Variants in ARHGAP42 observed in about 807,000 individuals in gnomAD.
ARHGAP42 encodes Rho GTPase activating protein 42.
A neutral mutation model predicts 125.0 loss-of-function variants in ARHGAP42; 63 were observed. That is an observed-to-expected ratio of 0.50 (90% confidence interval 0.41 to 0.62). The LOEUF is 0.62. ARHGAP42 is among the 20% of genes least tolerant of loss of function. The pLI is 0.00. For synonymous variants in ARHGAP42, 339 were observed against 351.0 expected, an observed-to-expected ratio of 0.97 and a Z score of 0.38; for missense variants, 766 against 1,024.2, an observed-to-expected ratio of 0.75 and a Z score of 3.44.
chr11:100,924,347 C>G (rs778197043), intron 6 of ARHGAP42, among the ~76,000 whole-genome samples: 1 of 152,060 alleles, frequency 6.6e-6, no homozygotes, highest in Non-Finnish European at 1.5e-5. Context: ...CATAAAACTT[C>G]TATACAGTAT....
intron 20 of ARHGAP42, 69 bp downstream of exon 20, chr11:100,976,506 G>T: frequency 9.7e-6 from 14 of 1,444,150 alleles, no homozygotes; most frequent in Non-Finnish European, 1.2e-5. Flanking sequence ...TATTCAGCAT[G>T]GTTAAGCAGG....
intron 12 of ARHGAP42, among the ~76,000 whole-genome samples, chr11:100,954,744 G>C (rs1227003224): frequency 6.6e-6 from 1 of 152,062 alleles, no homozygotes; most frequent in Non-Finnish European, 1.5e-5. Context: ...GCTCTTCATG[G>C]GCAGAGCAGA....
rs1361043436 is a variant in ARHGAP42, at chr11:100,966,725, A to G, written c.1550+949A>G. Among the ~76,000 whole-genome samples, 7 of 152,284 alleles carry G rather than the reference A, an allele frequency of 4.6e-5. No individual in the cohort carries two copies. The East Asian group carries it at 9.7e-4, about 21-fold the overall frequency. On this transcript the variant is annotated intron_variant, in intron 17 of 23. Transcript: ENST00000298815. Reference sequence around the variant, plus strand: ...ATTAATCATTATAAATATTATATCTATCTACTATCTATCTTTCTATAATTT... The same window carrying G: ...ATTAATCATTATAAATATTATATCTGTCTACTATCTATCTTTCTATAATTT...
chr11:100,849,224 A>C (rs563422653), intron 3 of ARHGAP42, among the ~76,000 whole-genome samples: 271 of 124,424 alleles, frequency 2.2e-3, no homozygotes, highest in African/African-American at 9.8e-3. Context: ...TTGACATATC[A>C]CTCATTCTTC....
intron 7 of ARHGAP42, among the ~76,000 whole-genome samples, chr11:100,935,810 A>T (rs1258945908): frequency 6.6e-6 from 1 of 152,158 alleles, no homozygotes; most frequent in Non-Finnish European, 1.5e-5. Context: ...CTGCCAGAAG[A>T]ATCAAGGTCA....
rs925867385 is a variant in ARHGAP42 at position 100,698,612 on chromosome 11, C to T, written c.154+10780C>T. Among the ~76,000 whole-genome samples, 11 of 152,092 alleles carry T rather than the reference C, an allele frequency of 7.2e-5. 1 individual carries two copies. Among genetic ancestry groups the T allele is most frequent in the Middle Eastern group, 3.4e-3 (1 of 294 alleles). On this transcript the variant is annotated intron_variant, in intron 1 of 23. Coordinates refer to ENST00000298815, the MANE Select transcript of ARHGAP42 (RefSeq NM_152432.4). ...GGGAGAATCACTTGAACCTGGGAGG[C>T]GGAAGTTGCGGTGAGCCCAGATCGT...
At chr11:100,911,627 G>A (rs969893221) in intron 4 of ARHGAP42, among the ~76,000 whole-genome samples, 1 of 152,044 alleles carries the variant, frequency 6.6e-6, no homozygotes, top group African/African-American at 2.4e-5. Flanking sequence ...GGTAAGTTGT[G>A]GACATAAAGT....
chr11:100,733,930 G>GT (rs774845588), intron 1 of ARHGAP42, among the ~76,000 whole-genome samples: 1,373 of 113,340 alleles, frequency 0.012, 33 homozygotes, highest in African/African-American at 0.033. Flanking sequence ...AAGCAAAGTT[G>GT]TTTTTTTTTT....
chr11:100,846,835 T>A (rs141536234), intron 3 of ARHGAP42, among the ~76,000 whole-genome samples: 2 of 151,988 alleles, frequency 1.3e-5, no homozygotes, highest in East Asian at 3.9e-4. Context: ...GAGTAAGAGG[T>A]GTTCAGATAG....
chr11:100,809,801 A>G (rs1864092701), intron 3 of ARHGAP42, among the ~76,000 whole-genome samples: 1 of 152,076 alleles, frequency 6.6e-6, no homozygotes, highest in African/African-American at 2.4e-5. Context: ...CAAAAAATAC[A>G]AAAATTAGCT....
intron 4 of ARHGAP42, among the ~76,000 whole-genome samples, chr11:100,866,593 A>G (rs913093631): frequency 3.3e-5 from 5 of 152,188 alleles, no homozygotes; most frequent in Non-Finnish European, 5.9e-5. Context: ...ACTTACAATC[A>G]TGGGGGAAGG....
rs931074805 is a variant in ARHGAP42, at chr11:100,896,322, T to C, written c.385-17130T>C. Among the ~76,000 whole-genome samples, 5 of 152,214 alleles carry C rather than the reference T, an allele frequency of 3.3e-5. No homozygotes were observed. The East Asian group carries it at 9.6e-4, about 29-fold the overall frequency. On this transcript the variant is annotated intron_variant, in intron 4 of 23. Transcript: ENST00000298815. The stretch of plus-strand genomic sequence containing the variant: ...AAATATACATGTGCATGTGTCTTTA[T>C]AGTAGCATGATTTATAATCCTTTGG...
chr11:100,993,314 A>G lies in ARHGAP42; in HGVS notation c.*4513A>G, dbSNP rs1012130215. 3.9e-4 allele frequency: 65 copies of G among 164,902 alleles called. No homozygotes were observed. The highest frequency in any genetic ancestry group is 1.3e-3 in the African/African-American group (55 of 41,450). 10.2% of individuals were successfully genotyped at this position (164,902 alleles called of 1,614,324 possible). ...AAAAATGCACACCTTTAATCTCTAT[A>G]TGGCAGCATATACATATATATATAT... is the stretch of plus-strand genomic sequence containing the variant. On this transcript the variant is annotated 3_prime_UTR_variant, in exon 24 of 24. Transcript: ENST00000298815.
At chr11:100,710,654 C>T (rs1861550299) in intron 1 of ARHGAP42, among the ~76,000 whole-genome samples, 1 of 151,070 alleles carries the variant, frequency 6.6e-6, no homozygotes, top group South Asian at 2.1e-4. Flanking sequence ...ATTCTCCTGC[C>T]TCAGCCTCCC....
intron 2 of ARHGAP42, among the ~76,000 whole-genome samples, chr11:100,789,834 A>G (rs1255503411): frequency 6.6e-6 from 1 of 152,072 alleles, no homozygotes; most frequent in Non-Finnish European, 1.5e-5. Context: ...TGAATTTATG[A>G]TCTGTACTTT....
chr11:100,932,039 G>A (rs552063613), intron 6 of ARHGAP42, among the ~76,000 whole-genome samples: 2 of 152,242 alleles, frequency 1.3e-5, no homozygotes, highest in South Asian at 4.1e-4. Flanking sequence ...CAACAAAAAT[G>A]GTTTGAAAAT....
At chr11:100,889,842 T>C (rs1169688354) in intron 4 of ARHGAP42, among the ~76,000 whole-genome samples, 1 of 152,162 alleles carries the variant, frequency 6.6e-6, no homozygotes, top group East Asian at 1.9e-4. Flanking sequence ...TATCCTTAAC[T>C]TAACTCTTGA....
At chr11:100,866,565 T>C (rs1475091580) in intron 4 of ARHGAP42, among the ~76,000 whole-genome samples, 1 of 152,122 alleles carries the variant, frequency 6.6e-6, no homozygotes, top group Admixed American at 6.5e-5. Flanking sequence ...GGAAACATGG[T>C]TGTGGAGGCC....
At chr11:100,697,708 G>A (rs78901113) in intron 1 of ARHGAP42, among the ~76,000 whole-genome samples, 8,565 of 152,246 alleles carry the variant, frequency 0.056, 364 homozygotes, top group East Asian at 0.21. Context: ...GAGTGATAAG[G>A]CACTAATAGA....
Sources: gnomAD v4.1 joint callset for allele counts (sites outside exome capture counted in the v4.1 genomes callset) on GRCh38, gnomAD v4.1.1 for gene constraint, MANE v1.5 for transcripts, NCBI Gene and HGNC (gene_info 2026-07-23, HGNC 2026-07-21) for gene names.